METAP1: variants seen among roughly 807,000 people sequenced by gnomAD.
METAP1 encodes methionyl aminopeptidase 1.
A neutral mutation model predicts 53.8 loss-of-function variants in METAP1; 28 were observed. The observed-to-expected ratio is 0.52, with a 90% CI of 0.39 to 0.71. The LOEUF is 0.71. Ranked by LOEUF, METAP1 falls within the 30% of genes least tolerant of loss-of-function variation. The probability of loss-of-function intolerance (pLI) is 0.00; values close to 1 mark genes in which losing one functional copy is unlikely to be tolerated. For synonymous variants in METAP1, 181 were observed against 165.7 expected (o/e 1.09, Z -0.71); for missense variants, 389 against 479.8 (o/e 0.81, Z 1.77).
chr4:99,040,958 C>G, intron 5 of METAP1, 85 bp from the exon 6 acceptor site: 1 of 644,002 alleles, frequency 1.6e-6, no homozygotes, highest in Non-Finnish European at 2.4e-6. Flanking sequence ...TCATTTTTAC[C>G]AATCTTCCAC....
intron 1 of METAP1, chr4:99,023,634 T>G (rs1207117954): frequency 2.0e-6 from 2 of 985,304 alleles, no homozygotes; most frequent in African/African-American, 3.5e-5. Flanking sequence ...TTAATGTTAA[T>G]TCTAGCCACT....
intron 10 of METAP1, among the ~76,000 whole-genome samples, chr4:99,060,775 A>G (rs948392197): frequency 1.3e-5 from 2 of 152,216 alleles, no homozygotes; most frequent in African/African-American, 2.4e-5. Flanking sequence ...CTGTTTTAAA[A>G]TGGACAATTA....
intron 1 of METAP1, among the ~76,000 whole-genome samples, chr4:99,020,349 A>C (rs1008559021): frequency 4.6e-5 from 7 of 152,150 alleles, no homozygotes; most frequent in Admixed American, 3.9e-4. Context: ...TGGCACCTCC[A>C]TTAGAGGGAA....
rs1726386426 is a variant in METAP1, at chr4:99,047,903, C to T, written c.788-830C>T. ...TGAGAAGTATCTTTCCTGTACTGTACCTCTAGGGTTGTCCTGTAGAGGCAG... is the reference window on the plus strand; with the variant it reads ...TGAGAAGTATCTTTCCTGTACTGTATCTCTAGGGTTGTCCTGTAGAGGCAG... On this transcript the variant is annotated intron_variant, in intron 8 of 10. Coordinates refer to ENST00000296411, the MANE Select transcript of METAP1 (RefSeq NM_015143.3). Among the ~76,000 whole-genome samples, 3 of 152,298 alleles carry T rather than the reference C, an allele frequency of 2.0e-5. No individual in the cohort carries two copies. In the South Asian group the frequency reaches 6.2e-4, roughly 32 times the overall value.
At chr4:98,997,345 C>G (rs1006677158) in intron 1 of METAP1, 3 of 152,872 alleles carry the variant, frequency 2.0e-5, no homozygotes, top group African/African-American at 7.2e-5. Context: ...AAAACTTGCA[C>G]GTGGAGGAGT....
chr4:99,039,287 GT>G, intron 4 of METAP1, 86 bp from the exon 5 acceptor site: 1 of 767,058 alleles, frequency 1.3e-6, no homozygotes, highest in Non-Finnish European at 2.2e-6. Context: ...TGAGACTACT[GT>G]TTTTATGCCA....
At chr4:99,012,657 T>A (rs955097858) in intron 1 of METAP1, among the ~76,000 whole-genome samples, 1 of 149,096 alleles carries the variant, frequency 6.7e-6, no homozygotes. Context: ...ATAAAGTTTT[T>A]TTTTTTTTTT....
intron 10 of METAP1, among the ~76,000 whole-genome samples, chr4:99,060,498 G>C (rs915447709): frequency 1.3e-5 from 2 of 151,688 alleles, no homozygotes; most frequent in African/African-American, 4.8e-5. Flanking sequence ...CGAGTAGCTG[G>C]GACTACAGGC....
At position 99,048,795 on chromosome 4, in the gene METAP1, G is replaced by C; in HGVS notation, c.850G>C (p.Gly284Arg). 7 of 1,613,956 alleles carry C rather than the reference G, an allele frequency of 4.3e-6. No individual in the cohort carries two copies. The highest frequency in any genetic ancestry group is 5.9e-6 in the Non-Finnish European group (7 of 1,179,856). The change falls in exon 9 of 11, where the codon GGG becomes CGG. Residue 284 changes from glycine to arginine, a missense_variant. Coordinates refer to ENST00000296411, the MANE Select transcript of METAP1 (RefSeq NM_015143.3). ...TATCCAGAAGCATGCCCAAGCAAATGGGTTTTCAGTTGTTCGAAGCTATTG... is the reference window on the plus strand; with the variant it reads ...TATCCAGAAGCATGCCCAAGCAAATCGGTTTTCAGTTGTTCGAAGCTATTG... ...NIIQKHAQANGFSVVRSYCGH... is the reference protein window; with the variant it reads ...NIIQKHAQANRFSVVRSYCGH...
At chr4:99,008,825 C>G (rs1357418027) in intron 1 of METAP1, among the ~76,000 whole-genome samples, 1 of 152,132 alleles carries the variant, frequency 6.6e-6, no homozygotes, top group Non-Finnish European at 1.5e-5. Context: ...AATTGTTGCT[C>G]TGCATTATAT....
chr4:99,041,201 T>C, intron 6 of METAP1, 75 bp downstream of exon 6: 2 of 1,054,140 alleles, frequency 1.9e-6, no homozygotes, highest in East Asian at 2.8e-5. Flanking sequence ...ATTAAGTAGA[T>C]TTAAGTTCTG....
At chr4:99,014,308 A>G (rs918720189) in intron 1 of METAP1, among the ~76,000 whole-genome samples, 1 of 152,158 alleles carries the variant, frequency 6.6e-6, no homozygotes, top group African/African-American at 2.4e-5. Flanking sequence ...GTTATTTGGA[A>G]TGAACGTGCA....
chr4:99,046,241 C>A, intron 8 of METAP1, among the ~76,000 whole-genome samples: 1 of 151,960 alleles, frequency 6.6e-6, no homozygotes, highest in East Asian at 1.9e-4. Flanking sequence ...TGGTGAAACC[C>A]TGTCTCTAAT....
intron 1 of METAP1, among the ~76,000 whole-genome samples, chr4:99,020,483 A>G (rs1471970808): frequency 6.6e-6 from 1 of 152,074 alleles, no homozygotes. Context: ...CTGCCTCCGG[A>G]GCCTGAGGAG....
chr4:99,019,308 G>A (rs1723951473), intron 1 of METAP1, among the ~76,000 whole-genome samples: 1 of 152,138 alleles, frequency 6.6e-6, no homozygotes, highest in African/African-American at 2.4e-5. Context: ...AAGGGCTCTT[G>A]ATGGGACTCA....
At chr4:99,028,677 T>G (rs941583856) in intron 1 of METAP1, among the ~76,000 whole-genome samples, 190 bp from the exon 2 acceptor site, 2 of 152,216 alleles carry the variant, frequency 1.3e-5, no homozygotes, top group Non-Finnish European at 2.9e-5. Flanking sequence ...AAATAAAGTT[T>G]AGGTTGCTTT....
chr4:99,007,162 G>A (rs1723214039), intron 1 of METAP1, among the ~76,000 whole-genome samples: 1 of 151,888 alleles, frequency 6.6e-6, no homozygotes, highest in Non-Finnish European at 1.5e-5. Flanking sequence ...TCCCTATGTT[G>A]CCCGGGCTGC....
At position 99,061,194 on chromosome 4, in the gene METAP1, G is replaced by A. The variant is rs375237670; in HGVS notation, c.1038G>A (p.Ala346=). 82 of 1,613,602 alleles carry A rather than the reference G, an allele frequency of 5.1e-5. No homozygotes were observed. Among genetic ancestry groups the A allele is most frequent in the East Asian group, 1.8e-4 (8 of 44,866 alleles). ...AAACCTGGCCAGATGGTTGGACTGC[G>A]GTGACAAGAGACGGAAAGCGGTCTG... The part of the protein sequence containing the change: ...QDETWPDGWT[A]VTRDGKRSAQ... Residue 346 remains alanine (A), a synonymous_variant, in exon 11 of 11, where the codon GCG becomes GCA. Coordinates refer to ENST00000296411, the MANE Select transcript of METAP1 (RefSeq NM_015143.3).
rs1226843613 is a variant in METAP1 at position 99,002,228 on chromosome 4, G to A, written c.114+6361G>A. On this transcript the variant is annotated intron_variant, in intron 1 of 10. Transcript: ENST00000296411. ...CTAGATATTCGGAAGAAAAGCAGTG[G>A]CACGGTAACTCCTTCTGTAATTGTC... Among the ~76,000 whole-genome samples, 4 of 152,164 alleles carry A rather than the reference G, an allele frequency of 2.6e-5. No individual in the cohort carries two copies. The East Asian group carries it at 5.8e-4, about 22-fold the overall frequency.
Sources: allele counts gnomAD v4.1 joint callset (sites outside exome capture counted in the v4.1 genomes callset), GRCh38; gene constraint gnomAD v4.1.1; transcripts MANE v1.5; gene names NCBI Gene and HGNC (gene_info 2026-07-23, HGNC 2026-07-21).